The following ARSG variants were observed in gnomAD, a reference collection of about 807,000 sequenced individuals.
ARSG encodes ASG.
ARSG carries 37 observed loss-of-function variants against 50.5 expected under a neutral mutation model. That is an observed-to-expected ratio of 0.73 (90% CI 0.56 to 0.96). The LOEUF (loss-of-function observed/expected upper bound fraction) is 0.96, where lower values mean the gene tolerates loss of function less well. Ranked by LOEUF, ARSG falls within the 50% of genes least tolerant of loss-of-function variation. The probability of loss-of-function intolerance (pLI) is 0.00; values close to 1 mark genes in which losing one functional copy is unlikely to be tolerated. For missense variants in ARSG, 629 were observed against 675.3 expected, an observed-to-expected ratio of 0.93 and a Z score of 0.76; for synonymous variants, 225 against 254.6, an observed-to-expected ratio of 0.88 and a Z score of 1.11.
intron 1 of ARSG, among the ~76,000 whole-genome samples, chr17:68,263,919 G>A (rs782390981): frequency 8.6e-5 from 13 of 152,006 alleles, no homozygotes; most frequent in Non-Finnish European, 1.3e-4. Flanking sequence ...GTGCAGTGGC[G>A]TGATCTCGAC....
intron 8 of ARSG, among the ~76,000 whole-genome samples, chr17:68,377,494 G>A (rs1274697951): frequency 5.3e-5 from 8 of 152,162 alleles, no homozygotes; most frequent in Non-Finnish European, 8.8e-5. Context: ...ACTCAGCTCA[G>A]GGCTCAGCAT....
At chr17:68,306,045 C>T (rs1484130313) in intron 1 of ARSG, among the ~76,000 whole-genome samples, 2 of 151,726 alleles carry the variant, frequency 1.3e-5, no homozygotes, top group Admixed American at 6.6e-5. Context: ...TCTTGTTGCC[C>T]AGGCTGGAGT....
chr17:68,297,234 C>T (rs1049151750), intron 1 of ARSG, among the ~76,000 whole-genome samples: 1 of 152,218 alleles, frequency 6.6e-6, no homozygotes, highest in African/African-American at 2.4e-5. Flanking sequence ...TCCCCTCACA[C>T]GCATCCTACA....
At chr17:68,402,786 A>G (rs1425309130) in intron 11 of ARSG, among the ~76,000 whole-genome samples, 1 of 152,118 alleles carries the variant, frequency 6.6e-6, no homozygotes, top group Non-Finnish European at 1.5e-5. Context: ...CGGCCTCCCA[A>G]AGTGCTGGGA....
At chr17:68,419,155 A>C (rs1412238151) in intron 11 of ARSG, among the ~76,000 whole-genome samples, 1 of 152,150 alleles carries the variant, frequency 6.6e-6, no homozygotes, top group African/African-American at 2.4e-5. Flanking sequence ...CTTCAACCCA[A>C]AGTGAAATGA....
At position 68,307,214 on chromosome 17, in the gene ARSG, G is replaced by A; in HGVS notation, c.-280G>A. On this transcript the variant is annotated 5_prime_UTR_variant, in exon 2 of 12. Coordinates refer to ENST00000621439, the MANE Select transcript of ARSG (RefSeq NM_001267727.2). ...ACCAGTCATTTTACTGAGCTGCGGT[G>A]AGGAAACACTGACCATAGAAGATCA... The A allele has an allele frequency of 2.3e-6, 1 of 437,638 alleles. No homozygotes were observed. Among genetic ancestry groups the A allele is most frequent in the Non-Finnish European group, 4.1e-6 (1 of 244,558 alleles). The allele number at this position is 437,638 out of a possible 1,614,324, so 27.1% of individuals were successfully genotyped here. A position where few individuals can be genotyped will look rare whatever the true frequency, so the allele number is the denominator to read the frequency against.
At chr17:68,292,965 T>C (rs1242492839) in intron 1 of ARSG, among the ~76,000 whole-genome samples, 1 of 152,206 alleles carries the variant, frequency 6.6e-6, no homozygotes, top group African/African-American at 2.4e-5. Flanking sequence ...GTTTAATTTA[T>C]GGTACTTGTA....
intron 8 of ARSG, chr17:68,379,859 C>T (rs1414840043): frequency 5.1e-6 from 5 of 985,250 alleles, no homozygotes; most frequent in African/African-American, 3.5e-5. Flanking sequence ...ATTTGGTTGG[C>T]ACTTCTCTGG....
intron 1 of ARSG, chr17:68,274,246 G>A (rs928257935): frequency 7.8e-5 from 44 of 564,466 alleles, no homozygotes; most frequent in Admixed American, 6.0e-4. Flanking sequence ...ACGGAGGATC[G>A]CTTGAGCCCA....
intron 1 of ARSG, among the ~76,000 whole-genome samples, chr17:68,302,665 G>A (rs1555762350): frequency 6.6e-6 from 1 of 152,198 alleles, no homozygotes; most frequent in African/African-American, 2.4e-5. Flanking sequence ...TCAAACTTGA[G>A]CACACTTAGC....
At chr17:68,384,068 C>T (rs1230265544) in intron 8 of ARSG, among the ~76,000 whole-genome samples, 1 of 152,140 alleles carries the variant, frequency 6.6e-6, no homozygotes, top group Non-Finnish European at 1.5e-5. Flanking sequence ...CTTCTTCCTC[C>T]CCACGCTTCT....
At chr17:68,402,673 C>A (rs988307746) in intron 11 of ARSG, among the ~76,000 whole-genome samples, 1 of 151,912 alleles carries the variant, frequency 6.6e-6, no homozygotes, top group Non-Finnish European at 1.5e-5. Flanking sequence ...TACAGGTGCC[C>A]GCCACCTCGC....
intron 2 of ARSG, among the ~76,000 whole-genome samples, chr17:68,333,614 G>A (rs1195241438): frequency 1.3e-5 from 2 of 148,444 alleles, no homozygotes; most frequent in South Asian, 2.1e-4. Context: ...GGCAACAAGG[G>A]CAAAACTCTG....
At chr17:68,332,320 T>G (rs2077812073) in intron 2 of ARSG, among the ~76,000 whole-genome samples, 1 of 152,222 alleles carries the variant, frequency 6.6e-6, no homozygotes, top group Non-Finnish European at 1.5e-5. Context: ...GACTTTAAGG[T>G]TATCTCCTTT....
chr17:68,322,037 T>A (rs2077305722), intron 2 of ARSG, among the ~76,000 whole-genome samples: 1 of 152,152 alleles, frequency 6.6e-6, no homozygotes, highest in South Asian at 2.1e-4. Context: ...CTCCAAAGAA[T>A]TGCAAATAAA....
At chr17:68,444,732 T>A in the ARSG span, 1 of 621,628 alleles carries the variant, frequency 1.6e-6, no homozygotes, top group Non-Finnish European at 2.7e-6. Flanking sequence ...GAAGATTGTG[T>A]TTATGGATGT....
At chr17:68,414,680 G>T (rs2071077011) in intron 11 of ARSG, among the ~76,000 whole-genome samples, 1 of 150,172 alleles carries the variant, frequency 6.7e-6, no homozygotes, top group Non-Finnish European at 1.5e-5. Context: ...GTTGTTGTTG[G>T]TAATTTAAAA....
the ARSG span, chr17:68,428,607 T>A: frequency 2.0e-6 from 1 of 491,454 alleles, no homozygotes; most frequent in South Asian, 2.1e-5. Context: ...GAGACCATCT[T>A]GTGTGTTATT....
chr17:68,324,070 C>CCA (rs2077402483), intron 2 of ARSG, among the ~76,000 whole-genome samples: 1 of 89,842 alleles, frequency 1.1e-5, no homozygotes, highest in African/African-American at 4.3e-5. Context: ...AAAACTCCAT[C>CCA]AAAAAAAAAA....
Sources: gnomAD v4.1 joint callset for allele counts (sites outside exome capture counted in the v4.1 genomes callset) on GRCh38, gnomAD v4.1.1 for gene constraint, MANE v1.5 for transcripts, NCBI Gene and HGNC (gene_info 2026-07-23, HGNC 2026-07-21) for gene names.